Variants in LHFPL6 observed in about 807,000 individuals in gnomAD.
LHFPL6 encodes the protein LHFPL tetraspan subfamily member 6 protein.
Under a neutral mutation model 20.6 loss-of-function variants are expected in LHFPL6, and 9 were observed. The observed-to-expected ratio is 0.44, with a 90% CI of 0.26 to 0.76. LHFPL6 has a LOEUF of 0.76. LHFPL6 is among the 30% of genes least tolerant of loss of function. The pLI, the probability that LHFPL6 is intolerant of heterozygous loss-of-function variation, is 0.20. For missense variants in LHFPL6, 218 were observed against 253.5 expected, an observed-to-expected ratio of 0.86 and a Z score of 0.95; for synonymous variants, 105 against 98.7, an observed-to-expected ratio of 1.06 and a Z score of -0.38.
At chr13:39,551,530 G>A (rs967357560) in intron 2 of LHFPL6, among the ~76,000 whole-genome samples, 1 of 152,130 alleles carries the variant, frequency 6.6e-6, no homozygotes, top group African/African-American at 2.4e-5. Flanking sequence ...AGGTAGTATG[G>A]TTTTCCAACT....
At chr13:39,504,386 T>A in intron 2 of LHFPL6, among the ~76,000 whole-genome samples, 1 of 152,222 alleles carries the variant, frequency 6.6e-6, no homozygotes, top group East Asian at 1.9e-4. Flanking sequence ...ATTTCAGAAT[T>A]TAAATTAGAA....
At position 39,569,148 on chromosome 13, in the gene LHFPL6, T is replaced by TGGACGGACGGACGGAC. The variant is rs747576240; in HGVS notation, c.385+31683_385+31684insGTCCGTCCGTCCGTCC. 3.1e-3 allele frequency among the ~76,000 whole-genome samples: 443 copies of TGGACGGACGGACGGAC among 144,496 alleles called. 1 individual carries two copies. Among genetic ancestry groups the TGGACGGACGGACGGAC allele is most frequent in the Non-Finnish European group, 5.0e-3 (327 of 65,246 alleles). 94.8% of individuals were successfully genotyped at this position (144,496 alleles called of 152,430 possible). ...AAACACGGATGGATGGATGGATGGA[T>TGGACGGACGGACGGAC]GGACGGACGGATGGATGGATGGATG... On this transcript the variant is annotated intron_variant, in intron 2 of 3. Transcript: ENST00000379589.
Position 39,601,385 on chromosome 13 carries a change from T to C in LHFPL6, c.-169A>G. 1 of 556,296 alleles carries C rather than the reference T, an allele frequency of 1.8e-6. No homozygotes were observed. Among genetic ancestry groups the C allele is most frequent in the Non-Finnish European group, 3.0e-6 (1 of 332,950 alleles). 34.5% of individuals were successfully genotyped at this position (556,296 alleles called of 1,614,324 possible). A position where few individuals can be genotyped will look rare whatever the true frequency, so the allele number is the denominator to read the frequency against. ...TTTCCATCCTCTGCACTAAAGATGA[T>C]GGTCCCTGGTAAAACAACAGGAAAC... On this transcript the variant is annotated 5_prime_UTR_variant, in exon 2 of 4. Coordinates refer to ENST00000379589, the MANE Select transcript of LHFPL6 (RefSeq NM_005780.3).
chr13:39,377,644 C>T (rs546271357), intron 3 of LHFPL6, among the ~76,000 whole-genome samples: 8 of 152,278 alleles, frequency 5.3e-5, no homozygotes, highest in Admixed American at 4.6e-4. Flanking sequence ...ATTAAAATGA[C>T]GCAAACCATG....
intron 2 of LHFPL6, among the ~76,000 whole-genome samples, chr13:39,496,794 G>A (rs746296800): frequency 1.3e-5 from 2 of 152,190 alleles, no homozygotes; most frequent in Admixed American, 6.5e-5. Context: ...GGATCCAGGG[G>A]TGGCAGGTGC....
At chr13:39,415,329 C>A (rs139353876) in intron 2 of LHFPL6, among the ~76,000 whole-genome samples, 2 of 152,178 alleles carry the variant, frequency 1.3e-5, no homozygotes, top group Non-Finnish European at 2.9e-5. Context: ...ATTGCCTCAG[C>A]CGATAACTGA....
At chr13:39,558,630 A>G (rs1400918917) in intron 2 of LHFPL6, among the ~76,000 whole-genome samples, 1 of 152,208 alleles carries the variant, frequency 6.6e-6, no homozygotes, top group East Asian at 1.9e-4. Flanking sequence ...TATTCATTAA[A>G]GCAGTTCTGA....
intron 2 of LHFPL6, among the ~76,000 whole-genome samples, chr13:39,427,260 G>A (rs1455504991): frequency 1.3e-5 from 2 of 152,156 alleles, no homozygotes; most frequent in Non-Finnish European, 2.9e-5. Context: ...TCTAATCTGG[G>A]TTTGTCTTCT....
intron 2 of LHFPL6, among the ~76,000 whole-genome samples, chr13:39,460,196 A>G (rs1428261194): frequency 6.6e-6 from 1 of 152,210 alleles, no homozygotes; most frequent in East Asian, 1.9e-4. Flanking sequence ...GATACAACCC[A>G]TAAAACATGA....
chr13:39,512,164 C>A (rs1035398573), intron 2 of LHFPL6, among the ~76,000 whole-genome samples: 3 of 152,212 alleles, frequency 2.0e-5, no homozygotes, highest in African/African-American at 4.8e-5. Context: ...GCTTCCCAAG[C>A]CTTACCTTCT....
At chr13:39,440,311 G>C (rs1293961915) in intron 2 of LHFPL6, among the ~76,000 whole-genome samples, 2 of 152,032 alleles carry the variant, frequency 1.3e-5, no homozygotes, top group African/African-American at 4.8e-5. Flanking sequence ...CCAGAGCTTT[G>C]GTGTGGTCTA....
At chr13:39,348,901 A>G (rs965026309) in intron 3 of LHFPL6, among the ~76,000 whole-genome samples, 5 of 152,332 alleles carry the variant, frequency 3.3e-5, no homozygotes, top group East Asian at 3.9e-4. Flanking sequence ...TGTTTATGTC[A>G]TAAAACAGGT....
At position 39,377,959 on chromosome 13, in the gene LHFPL6, T is replaced by C. The variant is rs111738613; in HGVS notation, c.484+469A>G. ...CCATCTAATCCTGATAATCCATATG[T>C]AGCACTTTGTTCAAGACTGAACTCC... On this transcript the variant is annotated intron_variant, in intron 3 of 3. Transcript: ENST00000379589. 2.6e-3 allele frequency among the ~76,000 whole-genome samples: 403 copies of C among 152,342 alleles called. 2 individuals are homozygous for C. The highest frequency in any genetic ancestry group is 9.3e-3 in the African/African-American group (385 of 41,564).
intron 2 of LHFPL6, among the ~76,000 whole-genome samples, chr13:39,393,881 A>G (rs1036802848): frequency 1.3e-5 from 2 of 152,158 alleles, no homozygotes; most frequent in Admixed American, 1.3e-4. Context: ...CGGTATCCTC[A>G]CACGGTCTTT....
chr13:39,560,934 C>G (rs1425083427), intron 2 of LHFPL6, among the ~76,000 whole-genome samples: 1 of 152,150 alleles, frequency 6.6e-6, no homozygotes, highest in Non-Finnish European at 1.5e-5. Context: ...AGTCTTAGGT[C>G]TTACCATGGC....
chr13:39,560,108 T>C (rs1871424959), intron 2 of LHFPL6, among the ~76,000 whole-genome samples: 1 of 152,158 alleles, frequency 6.6e-6, no homozygotes, highest in Non-Finnish European at 1.5e-5. Context: ...CTATCCGATC[T>C]ACCAGGTCAT....
chr13:39,449,116 C>T (rs964057077), intron 2 of LHFPL6, among the ~76,000 whole-genome samples: 1 of 152,238 alleles, frequency 6.6e-6, no homozygotes, highest in Non-Finnish European at 1.5e-5. Flanking sequence ...TCCACTGCAT[C>T]TCGGCTGCAT....
At chr13:39,379,737 G>T (rs550191994) in intron 2 of LHFPL6, among the ~76,000 whole-genome samples, 1 of 152,188 alleles carries the variant, frequency 6.6e-6, no homozygotes, top group East Asian at 1.9e-4. Flanking sequence ...CCTGAGGAAA[G>T]GCCTCCCTAA....
intron 2 of LHFPL6, among the ~76,000 whole-genome samples, chr13:39,490,426 A>G (rs1310243107): frequency 6.6e-6 from 1 of 152,210 alleles, no homozygotes; most frequent in African/African-American, 2.4e-5. Flanking sequence ...GACACCCAAA[A>G]GAGAACAGTC....
Sources: gnomAD v4.1 joint callset for allele counts (sites outside exome capture counted in the v4.1 genomes callset) on GRCh38, gnomAD v4.1.1 for gene constraint, MANE v1.5 for transcripts, NCBI Gene and HGNC (gene_info 2026-07-23, HGNC 2026-07-21) for gene names.